MAN1B1: variants seen among roughly 807,000 people sequenced by gnomAD.
MAN1B1 encodes the protein endoplasmic reticulum mannosyl-oligosaccharide 1,2-alpha-mannosidase.
A neutral mutation model predicts 75.5 loss-of-function variants in MAN1B1; 66 were observed. That is an observed-to-expected ratio of 0.87 (90% confidence interval 0.72 to 1.07). The LOEUF is 1.07. Among genes scored for constraint, MAN1B1 ranks in the 50% least tolerant of loss-of-function variants. The pLI is 0.00. For synonymous variants in MAN1B1, 453 were observed against 382.8 expected (o/e 1.18, Z -2.14); for missense variants, 973 against 912.5 (o/e 1.07, Z -0.85).
chr9:137,093,330 G>A (rs757555688), intron 3 of MAN1B1, among the ~76,000 whole-genome samples: 6 of 152,140 alleles, frequency 3.9e-5, no homozygotes, highest in Non-Finnish European at 7.3e-5. Flanking sequence ...TGCAGCAAGC[G>A]GAGTTCGCAC....
chr9:137,105,548 G>A (rs1414906443), intron 8 of MAN1B1: 4 of 277,324 alleles, frequency 1.4e-5, no homozygotes, highest in East Asian at 1.3e-4. Context: ...GTAGAGACCC[G>A]GAGCGCCCTT....
chr9:137,108,042 GTGTC>G, intron 12 of MAN1B1: 1 of 610,614 alleles, frequency 1.6e-6, no homozygotes, highest in Admixed American at 2.9e-5. Context: ...CCACGCCAGA[GTGTC>G]ACTTCCTGGC....
chr9:137,090,311 C>A (rs942966949), intron 3 of MAN1B1, among the ~76,000 whole-genome samples: 4 of 152,154 alleles, frequency 2.6e-5, no homozygotes, highest in African/African-American at 9.7e-5. Flanking sequence ...GGGAGCTTCA[C>A]CTGTGGCCAG....
chr9:137,088,210 C>T lies in MAN1B1; in HGVS notation c.328+27C>T, dbSNP rs751671591. 6 of 1,613,832 alleles carry T rather than the reference C, an allele frequency of 3.7e-6. No homozygotes were observed. In the African/African-American group the frequency reaches 4.0e-5, roughly 11 times the overall value. On this transcript the variant is annotated intron_variant, in intron 2 of 12. Transcript: ENST00000371589. ...TATCAGAAACACGTGTACTTGAAAA[C>T]GATATCTGTGTTGAGGGTTGATTGG...
rs1418626198 is a variant in MAN1B1, at chr9:137,108,393, C to T, written c.1902C>T (p.Pro634=). 1 of 1,613,610 alleles carries T rather than the reference C, an allele frequency of 6.2e-7. No homozygotes were observed. Among genetic ancestry groups the T allele is most frequent in the Non-Finnish European group, 8.5e-7 (1 of 1,179,968 alleles). Residue 634 remains proline, a synonymous_variant, in exon 13 of 13, where the codon CCC becomes CCT. Transcript: ENST00000371589. The part of the protein sequence containing the change: ...LQSFSRFTRV[P]SGGYSSINNV... ...AGGCCCTGGCTGCTGCACAGGTCCC[C>T]TCGGGTGGCTATTCTTCCATCAACA...
chr9:137,098,414 C>T (rs914168434), intron 5 of MAN1B1, among the ~76,000 whole-genome samples: 5 of 152,248 alleles, frequency 3.3e-5, no homozygotes, highest in South Asian at 2.1e-4. Context: ...GACTGAAAAG[C>T]AGGGCTGAGG....
chr9:137,097,079 G>C (rs1830672122), intron 4 of MAN1B1, among the ~76,000 whole-genome samples: 1 of 152,256 alleles, frequency 6.6e-6, no homozygotes, highest in Non-Finnish European at 1.5e-5. Context: ...CGTGGTGAGA[G>C]GCGTGGACAT....
intron 8 of MAN1B1, chr9:137,101,974 T>A: frequency 1.9e-6 from 1 of 537,404 alleles, no homozygotes. Flanking sequence ...GTTACACACA[T>A]GCTGTTGCAG....
chr9:137,091,858 A>G (rs921209435), intron 3 of MAN1B1, among the ~76,000 whole-genome samples: 7 of 152,228 alleles, frequency 4.6e-5, no homozygotes, highest in East Asian at 3.9e-4. Flanking sequence ...AGGTCTCACT[A>G]TGTTGCCCAG....
chr9:137,099,972 C>A, intron 6 of MAN1B1, 91 bp downstream of exon 6: 1 of 1,410,704 alleles, frequency 7.1e-7, no homozygotes, highest in Non-Finnish European at 1.0e-6. Context: ...GTGAAAGCTG[C>A]TGTTTGCATC....
chr9:137,094,521 C>A, intron 3 of MAN1B1: 1 of 249,328 alleles, frequency 4.0e-6, no homozygotes, highest in Non-Finnish European at 8.4e-6. Flanking sequence ...AGGCAGATTG[C>A]TTGAATGCAG....
intron 5 of MAN1B1, among the ~76,000 whole-genome samples, chr9:137,098,514 GTC>G (rs1260843806): frequency 1.3e-5 from 2 of 152,160 alleles, no homozygotes; most frequent in Non-Finnish European, 2.9e-5. Context: ...CCCCCCAGGT[GTC>G]TCTGAGGTGG....
chr9:137,104,077 T>A (rs1254172246), intron 8 of MAN1B1: 2 of 456,864 alleles, frequency 4.4e-6, no homozygotes, highest in Non-Finnish European at 8.8e-6. Context: ...ATCACTTCCA[T>A]CTCCAGAGCC....
At chr9:137,091,139 A>G (rs1175483330) in intron 3 of MAN1B1, among the ~76,000 whole-genome samples, 2 of 152,142 alleles carry the variant, frequency 1.3e-5, no homozygotes, top group African/African-American at 2.4e-5. Flanking sequence ...TTTGTCTACA[A>G]ATTGAATTTT....
At position 137,108,509 on chromosome 9, in the gene MAN1B1, C is replaced by T. The variant is rs1396969538; in HGVS notation, c.2018C>T (p.Ser673Phe). Residue 673 changes from serine to phenylalanine, a missense_variant, in exon 13 of 13, where the codon TCC becomes TTC. Ser to Phe is a radical substitution (Grantham distance 155). Transcript: ENST00000371589. ...ETLKYLFLLF[S>F]DDPNLLSLDA... is the part of the protein sequence containing the mutation. ...CTCAAGTATCTGTTCTTGCTCTTCT[C>T]CGATGACCCAAACCTGCTCAGCCTG... The T allele has an allele frequency of 1.2e-6, 2 of 1,614,014 alleles. No individual in the cohort carries two copies. Among genetic ancestry groups the T allele is most frequent in the Non-Finnish European group, 8.5e-7 (1 of 1,180,014 alleles).
chr9:137,099,739 G>A lies in MAN1B1; in HGVS notation c.774G>A (p.Leu258=), dbSNP rs768659358. ...YRQKGVIDVF[L]HAWKGYRKFA... The stretch of plus-strand genomic sequence containing the variant: ...AGAAGGGCGTGATTGACGTCTTCCT[G>A]CATGCATGGAAAGGATACCGCAAGT... Residue 258 remains leucine, a synonymous_variant, in exon 6 of 13, where the codon CTG becomes CTA. Transcript: ENST00000371589. 1.5e-5 allele frequency: 24 copies of A among 1,614,214 alleles called. No homozygotes were observed. The highest frequency in any genetic ancestry group is 2.0e-5 in the Non-Finnish European group (24 of 1,180,044).
In MAN1B1 at chr9:137,099,958, C is replaced by G. The variant is rs995854603; in HGVS notation, c.916+77C>G. On this transcript the variant is annotated intron_variant, in intron 6 of 12. Coordinates refer to ENST00000371589, the MANE Select transcript of MAN1B1 (RefSeq NM_016219.5). ...GCTGAGGCAGAGTGTGGGTTGCACA[C>G]GGGGTGAAAGCTGCTGTTTGCATCT... 3 of 1,538,334 alleles carry G rather than the reference C, an allele frequency of 2.0e-6. No homozygotes were observed. The African/African-American group carries it at 4.1e-5, about 21-fold the overall frequency.
intron 4 of MAN1B1, among the ~76,000 whole-genome samples, chr9:137,097,449 G>A (rs551153170): frequency 5.9e-5 from 9 of 152,308 alleles, no homozygotes; most frequent in African/African-American, 1.9e-4. Flanking sequence ...GACAGCCCCC[G>A]TCTGTGTGGC....
intron 7 of MAN1B1, 79 bp downstream of exon 7, chr9:137,101,232 C>T: frequency 4.5e-6 from 7 of 1,550,864 alleles, no homozygotes; most frequent in Admixed American, 1.7e-5. Context: ...CTTGTGGGGA[C>T]GTGACTGTCT....
Sources: allele counts gnomAD v4.1 joint callset (sites outside exome capture counted in the v4.1 genomes callset), GRCh38; gene constraint gnomAD v4.1.1; transcripts MANE v1.5; gene names NCBI Gene and HGNC (gene_info 2026-07-23, HGNC 2026-07-21).